TICRR: variants seen among roughly 807,000 people sequenced by gnomAD.
TICRR encodes the protein TOPBP1 interacting checkpoint and replication regulator.
Under a neutral mutation model 178.1 loss-of-function variants are expected in TICRR, and 132 were observed. The observed-to-expected ratio is 0.74, with a 90% CI of 0.64 to 0.86. The LOEUF (loss-of-function observed/expected upper bound fraction) is 0.86. Among genes scored for constraint, TICRR ranks in the 40% least tolerant of loss-of-function variants. The pLI, the probability that TICRR is intolerant of heterozygous loss-of-function variation, is 0.00. For synonymous variants in TICRR, 991 were observed against 900.7 expected (o/e 1.10, Z -1.79); for missense variants, 2,587 against 2,334.3 (o/e 1.11, Z -2.23).
intron 13 of TICRR, among the ~76,000 whole-genome samples, chr15:89,604,810 T>G (rs2141968024): frequency 6.7e-6 from 1 of 149,538 alleles, no homozygotes; most frequent in African/African-American, 2.5e-5. Context: ...GATTTGATTG[T>G]GGTTAGTAAT....
Position 89,624,479 on chromosome 15 carries a change from A to C in TICRR, c.4169A>C (p.Asp1390Ala). Residue 1390 changes from aspartate to alanine, a missense_variant, in exon 20 of 22, where the codon GAT becomes GCT. Asp to Ala is a moderately radical substitution (Grantham distance 126). Coordinates refer to ENST00000268138, the MANE Select transcript of TICRR (RefSeq NM_152259.4). ...GGGAAACGGTGTAGAAAGACCTCTG[A>C]TCCCAGAAGGAGCATCGTGGAGTGT... ...KVGKRCRKTSDPRRSIVECQP... is the reference protein window; with the variant it reads ...KVGKRCRKTSAPRRSIVECQP... 1 of 1,614,096 alleles carries C rather than the reference A, an allele frequency of 6.2e-7. No individual in the cohort carries two copies. The highest frequency in any genetic ancestry group is 8.5e-7 in the Non-Finnish European group (1 of 1,180,030).
At chr15:89,579,625 C>T (rs1354620973) in intron 1 of TICRR, 1 of 152,098 alleles carries the variant, frequency 6.6e-6, no homozygotes, top group Non-Finnish European at 1.5e-5. Context: ...GGATTACAGG[C>T]TGTTATTTTT....
In TICRR at chr15:89,582,697, C is replaced by T; in HGVS notation, c.666C>T (p.Ser222=). ...TCGTTTTATTTTAGTTGTGGGAATC[C>T]CCAGACCACCTTGGATACTGGACTG... is the stretch of plus-strand genomic sequence containing the variant. ...DTTEWSKLWE[S]PDHLGYWTVC... The change falls in exon 2 of 22, where the codon TCC becomes TCT. Residue 222 remains serine, a synonymous_variant. Transcript: ENST00000268138. 1 of 1,612,926 alleles carries T rather than the reference C, an allele frequency of 6.2e-7. No homozygotes were observed.
rs1437469515 is a variant in TICRR, at chr15:89,624,805, T to C, written c.4495T>C (p.Ser1499Pro). 2.5e-6 allele frequency: 4 copies of C among 1,614,130 alleles called. No individual in the cohort carries two copies. Among genetic ancestry groups the C allele is most frequent in the Admixed American group, 3.3e-5 (2 of 60,026 alleles). ...GCTAAGGACAGCAGATGCTGAGAAG[T>C]CTTCTCTGTCTCACCCTGGGATTCC... ...EGLRTADAEKSSLSHPGIPPS... is the reference protein window; with the variant it reads ...EGLRTADAEKPSLSHPGIPPS... The change falls in exon 20 of 22, where the codon TCT becomes CCT. Residue 1499 changes from serine to proline, a missense_variant. Coordinates refer to ENST00000268138, the MANE Select transcript of TICRR (RefSeq NM_152259.4).
At chr15:89,597,877 T>C (rs1259346269) in intron 7 of TICRR, among the ~76,000 whole-genome samples, 1 of 152,204 alleles carries the variant, frequency 6.6e-6, no homozygotes, top group Non-Finnish European at 1.5e-5. Flanking sequence ...GGAATATCTC[T>C]CCACTTATTT....
chr15:89,592,683 A>G (rs1962932809), intron 5 of TICRR, among the ~76,000 whole-genome samples: 1 of 152,252 alleles, frequency 6.6e-6, no homozygotes, highest in Admixed American at 6.5e-5. Context: ...AAGAGAAACA[A>G]AAGATGGTTC....
At chr15:89,578,937 C>T (rs557793832) in intron 1 of TICRR, among the ~76,000 whole-genome samples, 1 of 152,108 alleles carries the variant, frequency 6.6e-6, no homozygotes, top group African/African-American at 2.4e-5. Flanking sequence ...TGTCCAGGAG[C>T]AGGGAGAAGG....
At chr15:89,625,915 T>C (rs776899253) in intron 20 of TICRR, 21 bp from the exon 21 acceptor site, 1 of 1,552,492 alleles carries the variant, frequency 6.4e-7, no homozygotes, top group East Asian at 2.2e-5. Context: ...ACGCTGCTCT[T>C]ACTATGTGGG....
In TICRR at chr15:89,582,743, G is replaced by A. The variant is rs542037908; in HGVS notation, c.712G>A (p.Gly238Arg). The change falls in exon 2 of 22, where the codon GGA becomes AGA. Residue 238 changes from glycine to arginine, a missense_variant. Gly to Arg is a moderately radical substitution (Grantham distance 125). Transcript: ENST00000268138. ...GACTGTTTGTGAACTGCTCCACCAC[G>A]GAGGTGGCACTGTCTTGCCATCTGA... ...YWTVCELLHH[G>R]GGTVLPSESF... is the part of the protein sequence containing the mutation. 44 of 1,614,098 alleles carry A rather than the reference G, an allele frequency of 2.7e-5. No individual in the cohort carries two copies. The highest frequency in any genetic ancestry group is 8.8e-5 in the South Asian group (8 of 91,076).
intron 4 of TICRR, among the ~76,000 whole-genome samples, chr15:89,589,825 C>G (rs935136078): frequency 6.6e-6 from 1 of 152,012 alleles, no homozygotes; most frequent in African/African-American, 2.4e-5. Flanking sequence ...GTGATAAAAA[C>G]TAAGACAATC....
intron 15 of TICRR, 90 bp from the exon 16 acceptor site, chr15:89,616,315 T>C (rs1963334469): frequency 9.9e-7 from 1 of 1,005,346 alleles, no homozygotes; most frequent in South Asian, 1.4e-5. Context: ...TAATAAGCCA[T>C]ACAGAAGTTC....
At chr15:89,596,782 G>A (rs1963005366) in intron 7 of TICRR, among the ~76,000 whole-genome samples, 1 of 152,126 alleles carries the variant, frequency 6.6e-6, no homozygotes, top group African/African-American at 2.4e-5. Flanking sequence ...TACTTCACGT[G>A]TTGGACCCTT....
Position 89,592,143 on chromosome 15 carries a change from G to T in TICRR, c.1508G>T (p.Ser503Ile). The T allele has an allele frequency of 6.2e-7, 1 of 1,612,742 alleles. No homozygotes were observed. Among genetic ancestry groups the T allele is most frequent in the Non-Finnish European group, 8.5e-7 (1 of 1,178,804 alleles). The change falls in exon 5 of 22, where the codon AGT becomes ATT. Residue 503 changes from serine (S) to isoleucine (I), a missense_variant. By Grantham distance (142) the Ser-to-Ile change is moderately radical. Coordinates refer to ENST00000268138, the MANE Select transcript of TICRR (RefSeq NM_152259.4). ...VEKWFPFCNISGASSDLMESF... is the reference protein window; with the variant it reads ...VEKWFPFCNIIGASSDLMESF... ...AAGTGGTTTCCTTTCTGTAACATCA[G>T]TGGTGCCAGTTCCGATTTGATGGAG...
At chr15:89,621,828 C>T (rs1963429904) in intron 19 of TICRR, among the ~76,000 whole-genome samples, 1 of 152,096 alleles carries the variant, frequency 6.6e-6, no homozygotes, top group Non-Finnish European at 1.5e-5. Context: ...ATATACTGCA[C>T]AGATACCTTT....
chr15:89,617,128 C>T (rs1963347814), intron 16 of TICRR, among the ~76,000 whole-genome samples: 1 of 152,180 alleles, frequency 6.6e-6, no homozygotes. Context: ...TTCTCTCTGC[C>T]TTTCAGAATT....
At chr15:89,576,821 GTA>G (rs369518649) in intron 1 of TICRR, among the ~76,000 whole-genome samples, 3,228 of 91,926 alleles carry the variant, frequency 0.035, 56 homozygotes, top group East Asian at 0.075. Context: ...ATGTGTGTGT[GTA>G]TATATATATA....
intron 17 of TICRR, 38 bp from the exon 18 acceptor site, chr15:89,619,670 G>A (rs1313628277): frequency 6.3e-7 from 1 of 1,578,120 alleles, no homozygotes; most frequent in Non-Finnish European, 8.6e-7. Flanking sequence ...CAAGCTTGTA[G>A]TTGTCTTTGG....
At chr15:89,576,977 C>T (rs1195348655) in intron 1 of TICRR, among the ~76,000 whole-genome samples, 1 of 151,590 alleles carries the variant, frequency 6.6e-6, no homozygotes, top group Non-Finnish European at 1.5e-5. Context: ...ACTGCAACCT[C>T]CACCCCTCCG....
Position 89,598,706 on chromosome 15 carries a change from C to G in TICRR, c.1901-618C>G, listed in dbSNP as rs554836769. ...TAACACTTAAACTTGGTATACAGAG[C>G]CTTAAAATTAATCACTTGGCTGGGC... On this transcript the variant is annotated intron_variant, in intron 7 of 21. Coordinates refer to ENST00000268138, the MANE Select transcript of TICRR (RefSeq NM_152259.4). 1.1e-4 allele frequency among the ~76,000 whole-genome samples: 16 copies of G among 152,172 alleles called. No homozygotes were observed. The South Asian group carries it at 3.1e-3, about 30-fold the overall frequency.
Sources: gnomAD v4.1 joint callset for allele counts (sites outside exome capture counted in the v4.1 genomes callset) on GRCh38, gnomAD v4.1.1 for gene constraint, MANE v1.5 for transcripts, NCBI Gene and HGNC (gene_info 2026-07-23, HGNC 2026-07-21) for gene names.